Variants in IFT172 observed in about 807,000 individuals in gnomAD.
IFT172 encodes the protein intraflagellar transport protein 172 homolog.
In IFT172, 164 loss-of-function variants were observed where a neutral mutation model predicts 248.9. That is an observed-to-expected ratio of 0.66 (90% CI 0.58 to 0.75). The LOEUF is 0.75. IFT172 is among the 30% of genes least tolerant of loss of function. The pLI is 0.00. For synonymous variants in IFT172, 729 were observed against 791.6 expected (o/e 0.92, Z 1.33); for missense variants, 1,950 against 2,192.4 (o/e 0.89, Z 2.21).
At chr2:27,488,878 CAAAG>C (rs1449880404) in intron 1 of IFT172, among the ~76,000 whole-genome samples, 3 of 152,092 alleles carry the variant, frequency 2.0e-5, no homozygotes, top group African/African-American at 7.2e-5. Context: ...CAAAAACAAA[CAAAG>C]AAACAAAAAA....
chr2:27,481,155 C>G lies in IFT172; in HGVS notation c.676G>C (p.Gly226Arg). 6.2e-7 allele frequency: 1 copy of G among 1,613,738 alleles called. No individual in the cohort carries two copies. ...DRKIVAYGKE[G>R]HMLQTFDYSR... The stretch of plus-strand genomic sequence containing the variant: ...TAATCAAAAGTTTGTAGCATGTGAC[C>G]TTCTTTTCCATAGGCTACAATTTTC... Residue 226 changes from glycine (G) to arginine (R), a missense_variant, in exon 8 of 48, where the codon GGT (glycine) becomes CGT (arginine). Gly to Arg is a moderately radical substitution (Grantham distance 125, BLOSUM62 -2). Coordinates refer to ENST00000260570, the MANE Select transcript of IFT172 (RefSeq NM_015662.3).
chr2:27,462,661 T>C (rs1163866164), intron 20 of IFT172, 40 bp downstream of exon 20: 3 of 1,557,836 alleles, frequency 1.9e-6, no homozygotes, highest in Admixed American at 1.7e-5. Flanking sequence ...TCTTTTTCCC[T>C]CATATCCCCT....
chr2:27,464,914 A>C (rs1572774635), intron 18 of IFT172, among the ~76,000 whole-genome samples: 1 of 141,322 alleles, frequency 7.1e-6, no homozygotes, highest in African/African-American at 2.8e-5. Context: ...CGCCGTGCCC[A>C]GCCAAGACAT....
chr2:27,446,314 G>T lies in IFT172; in HGVS notation c.4701C>A (p.His1567Gln), dbSNP rs786205855. Residue 1567 changes from histidine to glutamine, a missense_variant, in exon 43 of 48, where the codon CAC (histidine) becomes CAA (glutamine). This residue lies in a region of IFT172 where 620 missense variants were observed against 699.0 expected (regional missense o/e 0.89). Coordinates refer to ENST00000260570, the MANE Select transcript of IFT172 (RefSeq NM_015662.3). Reference protein sequence around the residue: ...AARLSVSLLRHTQLLPVDKAF... With the variant: ...AARLSVSLLRQTQLLPVDKAF... ...CTTTGTCTACAGGTAGTAGCTGGGT[G>T]TGACGCAAGAGTGAAACAGAAAGCC... The T allele has an allele frequency of 6.8e-6, 11 of 1,614,244 alleles. No homozygotes were observed. Among genetic ancestry groups the T allele is most frequent in the Non-Finnish European group, 9.3e-6 (11 of 1,180,054 alleles).
intron 8 of IFT172, 139 bp from the exon 9 acceptor site, chr2:27,480,288 C>T: frequency 7.8e-7 from 1 of 1,289,472 alleles, no homozygotes; most frequent in East Asian, 2.6e-5. Context: ...GGCAGTCTAG[C>T]AGAAGAGGAT....
In IFT172 at chr2:27,477,551, C is replaced by G; in HGVS notation, c.1221+8G>C. The stretch of plus-strand genomic sequence containing the variant: ...CAAGATGGTGATGGTGAATCAAGCT[C>G]TACTCACATTCTCATTTTCAAAGAA... On this transcript the variant is annotated splice_region_variant and intron_variant, in intron 12 of 47. Coordinates refer to ENST00000260570, the MANE Select transcript of IFT172 (RefSeq NM_015662.3). The G allele has an allele frequency of 6.3e-7, 1 of 1,589,708 alleles. No homozygotes were observed. Among genetic ancestry groups the G allele is most frequent in the Non-Finnish European group, 8.6e-7 (1 of 1,157,682 alleles).
In IFT172 at chr2:27,453,402, C is replaced by G; in HGVS notation, c.3933G>C (p.Ala1311=). 1 of 1,614,214 alleles carries G rather than the reference C, an allele frequency of 6.2e-7. No homozygotes were observed. The highest frequency in any genetic ancestry group is 8.5e-7 in the Non-Finnish European group (1 of 1,180,046). The change falls in exon 35 of 48, where the codon GCG becomes GCC. Residue 1311 remains alanine (A), a synonymous_variant. Transcript: ENST00000260570. The stretch of plus-strand genomic sequence containing the variant: ...TCCTCACCTTCATCCAGCACTTCTC[C>G]GCCAGGCCGCTGTTTCCAGAGTCTC... ...KVRDSGNSGL[A]EKCWMKAAEL...
chr2:27,453,513 CCT>C lies in IFT172; in HGVS notation c.3822-2_3822-1del. 1.2e-6 allele frequency: 2 copies of C among 1,614,004 alleles called. No homozygotes were observed. Among genetic ancestry groups the C allele is most frequent in the Non-Finnish European group, 1.7e-6 (2 of 1,179,868 alleles). ...CTTGTTCCACAAATCCCTCCACACC[CCT>C]GTGGAGATGAGAGCGCTGGGACTTG... is the stretch of plus-strand genomic sequence containing the variant. On this transcript the variant is annotated splice_acceptor_variant, in intron 34 of 47. Coordinates refer to ENST00000260570, the MANE Select transcript of IFT172 (RefSeq NM_015662.3). LOFTEE classifies it high-confidence loss of function.
At position 27,478,102 on chromosome 2, in the gene IFT172, C is replaced by A. The variant is rs1668099366; in HGVS notation, c.1060G>T (p.Gly354Cys). ...ATTTTCACCTCTTCCACCTCATAGCCATAGTGTGACTTGAGCACCACTCGG... is the reference window on the plus strand; with the variant it reads ...ATTTTCACCTCTTCCACCTCATAGCAATAGTGTGACTTGAGCACCACTCGG... ...GTRVVLKSHY[G>C]YEVEEVKILG... Residue 354 changes from glycine to cysteine, a missense_variant, in exon 11 of 48, where the codon GGC (glycine) becomes TGC (cysteine). Transcript: ENST00000260570. 1 of 1,614,048 alleles carries A rather than the reference C, an allele frequency of 6.2e-7. No individual in the cohort carries two copies. Among genetic ancestry groups the A allele is most frequent in the African/African-American group, 1.3e-5 (1 of 74,930 alleles).
chr2:27,456,510 C>T lies in IFT172; in HGVS notation c.3371+1G>A. The T allele has an allele frequency of 1.2e-6, 2 of 1,612,610 alleles. No homozygotes were observed. The highest frequency in any genetic ancestry group is 1.7e-6 in the Non-Finnish European group (2 of 1,179,468). ...CGTGGAGAGAAAGCTTGGGGCCTCA[C>T]CAATTGTCTGCAGCGTGGTCAACAG... is the stretch of plus-strand genomic sequence containing the variant. On this transcript the variant is annotated splice_donor_variant, in intron 30 of 47. Transcript: ENST00000260570. LOFTEE classifies it high-confidence loss of function.
At position 27,461,597 on chromosome 2, in the gene IFT172, T is replaced by C. The variant is rs112654038; in HGVS notation, c.2194-80A>G. The C allele has an allele frequency of 2.6e-4, 406 of 1,549,262 alleles. 1 individual carries two copies. In the African/African-American group the frequency reaches 4.2e-3, roughly 16 times the overall value. ...CTCCCATGCTTCTCCAATCCCTCTA[T>C]AACAAGGGGAATCCTCCTGGGTCAG... is the stretch of plus-strand genomic sequence containing the variant. On this transcript the variant is annotated intron_variant, in intron 21 of 47. Transcript: ENST00000260570.
In IFT172 at chr2:27,479,613, G is replaced by A. The variant is rs760855384; in HGVS notation, c.910-9C>T. On this transcript the variant is annotated splice_polypyrimidine_tract_variant and intron_variant, in intron 9 of 47. Coordinates refer to ENST00000260570, the MANE Select transcript of IFT172 (RefSeq NM_015662.3). ...CCACCACATAGTGTGCCCTAGAAGG[G>A]AAAGTGACAGCATAAAAGGTCACAC... 3 of 1,552,150 alleles carry A rather than the reference G, an allele frequency of 1.9e-6. No individual in the cohort carries two copies. The highest frequency in any genetic ancestry group is 1.1e-5 in the South Asian group (1 of 89,804).
At chr2:27,481,460 C>A (rs1668364500) in intron 7 of IFT172, among the ~76,000 whole-genome samples, 200 bp from the exon 8 acceptor site, 1 of 151,826 alleles carries the variant, frequency 6.6e-6, no homozygotes, top group Non-Finnish European at 1.5e-5. Flanking sequence ...CACATACACA[C>A]ACACACACAC....
chr2:27,456,057 C>G (rs1666136455), intron 30 of IFT172, among the ~76,000 whole-genome samples: 1 of 151,556 alleles, frequency 6.6e-6, no homozygotes, highest in Non-Finnish European at 1.5e-5. Context: ...ACTAAAAATA[C>G]AAAAATTAGA....
chr2:27,446,518 T>A (rs1665117490), intron 42 of IFT172, 163 bp from the exon 43 acceptor site: 1 of 588,716 alleles, frequency 1.7e-6, no homozygotes, highest in Non-Finnish European at 3.0e-6. Context: ...TCTTTTTCTC[T>A]GAACAAGACA....
rs376082123 is a variant in IFT172 at position 27,463,198 on chromosome 2, A to G, written c.1938-17T>C. 8 of 1,600,698 alleles carry G rather than the reference A, an allele frequency of 5.0e-6. No homozygotes were observed. The highest frequency in any genetic ancestry group is 6.0e-6 in the Non-Finnish European group (7 of 1,168,006). ...GAAAAGCACCTATGGCATGGAAGCA[A>G]TAACATTAATAGTAATATTATTATA... On this transcript the variant is annotated splice_polypyrimidine_tract_variant and intron_variant, in intron 18 of 47. Transcript: ENST00000260570.
At chr2:27,455,692 C>A (rs546787557) in intron 30 of IFT172, 71 of 281,948 alleles carry the variant, frequency 2.5e-4, no homozygotes, top group Non-Finnish European at 3.2e-4. Context: ...GCCTGGGCAA[C>A]AGAGCGAGAC....
At chr2:27,453,557 G>A in intron 34 of IFT172, 44 bp from the exon 35 acceptor site, 1 of 1,610,912 alleles carries the variant, frequency 6.2e-7, no homozygotes, top group Non-Finnish European at 8.5e-7. Context: ...TAGGGGGGCA[G>A]CATGCTCTAT....
chr2:27,445,050 G>T lies in IFT172; in HGVS notation c.5124C>A (p.Asn1708Lys), dbSNP rs868748622. The T allele has an allele frequency of 1.4e-5, 23 of 1,613,726 alleles. 1 individual carries two copies. In the Admixed American group the frequency reaches 3.8e-4, roughly 27 times the overall value. The change falls in exon 47 of 48, where the codon AAC (asparagine) becomes AAA (lysine). Residue 1708 changes from asparagine to lysine, a missense_variant. Coordinates refer to ENST00000260570, the MANE Select transcript of IFT172 (RefSeq NM_015662.3). This position sits in a 1 kb window ranked among gnomAD's most constrained non-coding sequence, Gnocchi z 4.4. ...IEFKRPGKAA[N>K]KDNWNKFLMA... is the part of the protein sequence containing the mutation. ...TAAGGAATTTATTCCAGTTGTCCTT[G>T]TTAGCAGCCTTCCCTGGCCGCTTAA...
Sources: gnomAD v4.1 joint callset for allele counts (sites outside exome capture counted in the v4.1 genomes callset) on GRCh38, gnomAD v4.1.1 for gene constraint, gnomAD v4.1.1 regional missense constraint, Gnocchi (gnomAD v3.1) non-coding constraint, MANE v1.5 for transcripts, NCBI Gene and HGNC (gene_info 2026-07-23, HGNC 2026-07-21) for gene names.